B3GALT5: variants seen among roughly 807,000 people sequenced by gnomAD.
B3GALT5 encodes the protein UDP-Gal:betaGlcNAc beta 1,3-galactosyltransferase, polypeptide 5.
For synonymous variants in B3GALT5, 156 were observed against 158.6 expected, an observed-to-expected ratio of 0.98 and a Z score of 0.12; for missense variants, 328 against 396.6, an observed-to-expected ratio of 0.83 and a Z score of 1.47.
chr21:39,638,511 C>G (rs1602270733), intron 1 of B3GALT5, among the ~76,000 whole-genome samples: 1 of 152,180 alleles, frequency 6.6e-6, no homozygotes, highest in Admixed American at 6.5e-5. Context: ...CCTGGCTCCC[C>G]CATCTGCTGA....
rs545099269 is a variant in B3GALT5, at chr21:39,621,990, C to T, written c.-392+8923C>T. Among the ~76,000 whole-genome samples, 11 of 152,054 alleles carry T rather than the reference C, an allele frequency of 7.2e-5. No homozygotes were observed. The South Asian group carries it at 2.3e-3, about 32-fold the overall frequency. ...TTTTCGTAGCTTCTTGAAGTATATGCTTAATGTATTCTACATATTTATTCT... is the reference window on the plus strand; with the variant it reads ...TTTTCGTAGCTTCTTGAAGTATATGTTTAATGTATTCTACATATTTATTCT... On this transcript the variant is annotated intron_variant, in intron 1 of 3. Coordinates refer to ENST00000684187, the MANE Select transcript of B3GALT5 (RefSeq NM_001356336.2).
intron 3 of B3GALT5, 85 bp downstream of exon 3, chr21:39,659,997 C>T (rs1184639487): frequency 6.4e-6 from 5 of 784,790 alleles, no homozygotes; most frequent in Non-Finnish European, 1.5e-6. Flanking sequence ...GTGGGCAGAA[C>T]AGGAAAGAAT....
intron 1 of B3GALT5, among the ~76,000 whole-genome samples, chr21:39,628,493 C>T (rs1249966231): frequency 3.3e-5 from 5 of 152,226 alleles, no homozygotes; most frequent in South Asian, 4.1e-4. Context: ...ACTGTCTCAA[C>T]ATTTTAGTGG....
chr21:39,629,652 A>G (rs2079181849), intron 1 of B3GALT5, among the ~76,000 whole-genome samples: 1 of 152,198 alleles, frequency 6.6e-6, no homozygotes, highest in African/African-American at 2.4e-5. Context: ...GCAACTTTGA[A>G]TGTGTTAAAG....
At chr21:39,655,556 T>G (rs2146212550) in intron 2 of B3GALT5, among the ~76,000 whole-genome samples, 1 of 152,268 alleles carries the variant, frequency 6.6e-6, no homozygotes, top group Middle Eastern at 3.4e-3. Flanking sequence ...TCAGCTCACT[T>G]GGGAGATTCT....
intron 1 of B3GALT5, among the ~76,000 whole-genome samples, chr21:39,638,715 C>T (rs2079247880): frequency 6.6e-6 from 1 of 152,172 alleles, no homozygotes; most frequent in African/African-American, 2.4e-5. Context: ...AACACACGCC[C>T]ACTGGGGCCG....
At chr21:39,635,248 A>T (rs2079218863) in intron 1 of B3GALT5, among the ~76,000 whole-genome samples, 1 of 152,106 alleles carries the variant, frequency 6.6e-6, no homozygotes, top group Non-Finnish European at 1.5e-5. Flanking sequence ...GTGTGTGGTG[A>T]AATCCGTGGA....
chr21:39,667,048 C>G lies in B3GALT5; in HGVS notation c.*5556C>G, dbSNP rs2079584332. The G allele has an allele frequency of 6.6e-6, 1 of 152,240 alleles. No homozygotes were observed. The highest frequency in any genetic ancestry group is 1.5e-5 in the Non-Finnish European group (1 of 68,070). 9.4% of individuals were successfully genotyped at this position (152,240 alleles called of 1,614,324 possible). On this transcript the variant is annotated 3_prime_UTR_variant, in exon 4 of 4. Transcript: ENST00000684187. ...AAGCCAGTGACTTGCCCTCTGGCAC[C>G]CTGTCCTGAGGGTAGAGCTTCCTGG...
In B3GALT5 at chr21:39,670,551, C is replaced by T. The variant is rs79728168; in HGVS notation, c.*9059C>T. 5,209 of 152,302 alleles carry T rather than the reference C, an allele frequency of 0.034. 128 individuals are homozygous for T. The highest frequency in any genetic ancestry group is 0.048 in the Non-Finnish European group (3,242 of 68,038). The allele number at this position is 152,302 out of a possible 1,614,324, so 9.4% of individuals were successfully genotyped here. On this transcript the variant is annotated 3_prime_UTR_variant, in exon 4 of 4. Transcript: ENST00000684187. ...CAGTAAGGTGGAAGCCAGCTGCAGGCGTGGTCCACAGTTCCAGACATCTCT... is the reference window on the plus strand; with the variant it reads ...CAGTAAGGTGGAAGCCAGCTGCAGGTGTGGTCCACAGTTCCAGACATCTCT...
At chr21:39,617,630 G>A (rs2079113596) in intron 1 of B3GALT5, among the ~76,000 whole-genome samples, 1 of 152,176 alleles carries the variant, frequency 6.6e-6, no homozygotes, top group African/African-American at 2.4e-5. Flanking sequence ...ATGAGATTTG[G>A]GTGGGGACAC....
intron 1 of B3GALT5, among the ~76,000 whole-genome samples, chr21:39,640,349 C>T (rs1229558781): frequency 6.6e-6 from 1 of 152,126 alleles, no homozygotes; most frequent in Admixed American, 6.5e-5. Flanking sequence ...TAGAGAGTGG[C>T]TGCTTAGGAG....
chr21:39,629,530 C>CT (rs960825311), intron 1 of B3GALT5, among the ~76,000 whole-genome samples: 2 of 152,026 alleles, frequency 1.3e-5, no homozygotes, highest in African/African-American at 2.4e-5. Context: ...TTCTATAAAA[C>CT]TTTTTATAAC....
At chr21:39,637,479 G>A (rs556238515) in intron 1 of B3GALT5, among the ~76,000 whole-genome samples, 42 of 152,356 alleles carry the variant, frequency 2.8e-4, no homozygotes, top group African/African-American at 9.6e-4. Context: ...GGCTTACGAC[G>A]TTTTCAACTG....
chr21:39,668,346 G>C lies in B3GALT5; in HGVS notation c.*6854G>C, dbSNP rs1009205913. On this transcript the variant is annotated 3_prime_UTR_variant, in exon 4 of 4. Transcript: ENST00000684187. ...TCCAAGACCACCATTGCAGACCCAG[G>C]CTCTAAGCTAGCCTCTGCAAACTCA... The C allele has an allele frequency of 6.6e-6, 1 of 152,210 alleles. No individual in the cohort carries two copies. The highest frequency in any genetic ancestry group is 1.5e-5 in the Non-Finnish European group (1 of 68,064). The allele number at this position is 152,210 out of a possible 1,614,324, so 9.4% of individuals were successfully genotyped here. A position where few individuals can be genotyped will look rare whatever the true frequency, so the allele number is the denominator to read the frequency against.
chr21:39,661,709 G>T lies in B3GALT5; in HGVS notation c.*217G>T. ...GGCACGCACACTCTTCATACTAAGT[G>T]TTTGACATACACCTGGATTTTTGCA... On this transcript the variant is annotated 3_prime_UTR_variant, in exon 4 of 4. Transcript: ENST00000684187. The surrounding 1 kb of genome is among the most constrained non-coding windows in gnomAD (Gnocchi z 4.7). The T allele has an allele frequency of 2.2e-6, 1 of 454,288 alleles. No individual in the cohort carries two copies. 28.1% of individuals were successfully genotyped at this position (454,288 alleles called of 1,614,324 possible).
intron 1 of B3GALT5, among the ~76,000 whole-genome samples, chr21:39,615,771 A>G (rs1417406556): frequency 2.0e-5 from 3 of 152,254 alleles, no homozygotes; most frequent in Admixed American, 1.3e-4. Context: ...GGTTCTGTAT[A>G]TAATAAAGAA....
intron 1 of B3GALT5, among the ~76,000 whole-genome samples, chr21:39,636,516 G>A (rs911232341): frequency 8.5e-5 from 13 of 152,090 alleles, no homozygotes; most frequent in African/African-American, 2.4e-4. Context: ...GACCAAATCC[G>A]GAGGACACTG....
At chr21:39,641,365 T>C (rs948867282) in intron 1 of B3GALT5, among the ~76,000 whole-genome samples, 3 of 152,130 alleles carry the variant, frequency 2.0e-5, no homozygotes, top group African/African-American at 7.2e-5. Flanking sequence ...TTAAAATAAA[T>C]AAAAAAATTT....
At chr21:39,626,920 C>T (rs2123692150) in intron 1 of B3GALT5, among the ~76,000 whole-genome samples, 1 of 152,290 alleles carries the variant, frequency 6.6e-6, no homozygotes, top group Middle Eastern at 3.4e-3. Flanking sequence ...CATTATTCTC[C>T]AGCAGTCATC....
Sources: allele counts gnomAD v4.1 joint callset (sites outside exome capture counted in the v4.1 genomes callset), GRCh38; gene constraint gnomAD v4.1.1; non-coding constraint Gnocchi (gnomAD v3.1); transcripts MANE v1.5; gene names NCBI Gene and HGNC (gene_info 2026-07-23, HGNC 2026-07-21).